The following GRM5 variants were observed in gnomAD, a reference collection of about 807,000 sequenced individuals.
GRM5 encodes the protein metabotropic glutamate receptor 5.
GRM5 carries 19 observed loss-of-function variants against 83.1 expected under a neutral mutation model. The ratio of observed to expected loss-of-function variants is 0.23; its 90% confidence interval spans 0.16 to 0.34. GRM5 has a LOEUF of 0.34. Among genes scored for constraint, GRM5 ranks in the 10% least tolerant of loss-of-function variants. The probability of loss-of-function intolerance (pLI) is 1.00; values close to 1 mark genes in which losing one functional copy is unlikely to be tolerated. For missense variants in GRM5, 1,160 were observed against 1,588.3 expected, an observed-to-expected ratio of 0.73 and a Z score of 4.58; for synonymous variants, 675 against 633.6, an observed-to-expected ratio of 1.07 and a Z score of -0.98.
intron 9 of GRM5, among the ~76,000 whole-genome samples, chr11:88,509,837 G>T (rs1326387008): frequency 6.6e-6 from 1 of 152,212 alleles, no homozygotes; most frequent in Non-Finnish European, 1.5e-5. Flanking sequence ...GCACACAGAT[G>T]CAAGGGCTTG....
chr11:88,526,806 T>A (rs1280515345), intron 8 of GRM5, among the ~76,000 whole-genome samples: 1 of 152,116 alleles, frequency 6.6e-6, no homozygotes, highest in Non-Finnish European at 1.5e-5. Flanking sequence ...AAAATGAATT[T>A]AATGGATTAC....
At chr11:88,802,500 ACT>A (rs1943416911) in intron 3 of GRM5, among the ~76,000 whole-genome samples, 1 of 152,078 alleles carries the variant, frequency 6.6e-6, no homozygotes, top group South Asian at 2.1e-4. Context: ...CATGCTAAAA[ACT>A]CTCAATAAAT....
At chr11:88,804,210 C>T (rs1943456442) in intron 3 of GRM5, among the ~76,000 whole-genome samples, 1 of 149,122 alleles carries the variant, frequency 6.7e-6, no homozygotes, top group African/African-American at 2.5e-5. Flanking sequence ...GACTATAAAT[C>T]ATGCTGCTAT....
intron 2 of GRM5, among the ~76,000 whole-genome samples, chr11:88,907,934 T>G (rs1945432164): frequency 6.6e-6 from 1 of 152,168 alleles, no homozygotes; most frequent in Non-Finnish European, 1.5e-5. Context: ...TGTATGTAAT[T>G]TATATAATTT....
chr11:88,819,694 T>C (rs944751691), intron 3 of GRM5, among the ~76,000 whole-genome samples: 2 of 152,212 alleles, frequency 1.3e-5, no homozygotes, highest in African/African-American at 4.8e-5. Context: ...GACTTCGTCT[T>C]AGTTAATTTT....
chr11:88,787,839 A>T (rs958373085), intron 3 of GRM5, among the ~76,000 whole-genome samples: 1 of 152,072 alleles, frequency 6.6e-6, no homozygotes, highest in African/African-American at 2.4e-5. Flanking sequence ...AAAAAGGGAT[A>T]AAAAAGGGAT....
At chr11:88,670,807 G>C (rs995117614) in intron 3 of GRM5, among the ~76,000 whole-genome samples, 1 of 152,030 alleles carries the variant, frequency 6.6e-6, no homozygotes, top group Non-Finnish European at 1.5e-5. Context: ...ACATAGTTCA[G>C]TATAAAATGG....
intron 2 of GRM5, among the ~76,000 whole-genome samples, chr11:88,871,157 C>A (rs760860927): frequency 6.6e-6 from 1 of 151,600 alleles, no homozygotes; most frequent in Non-Finnish European, 1.5e-5. Flanking sequence ...TGCACATAAT[C>A]TCAATGAATG....
At chr11:88,552,050 T>C (rs1181082853) in intron 8 of GRM5, among the ~76,000 whole-genome samples, 1 of 144,990 alleles carries the variant, frequency 6.9e-6, no homozygotes, top group Non-Finnish European at 1.5e-5. Flanking sequence ...TTTTTTTGAG[T>C]CAGGATCTTT....
In GRM5 at chr11:88,508,418, G is replaced by C. The variant is rs773025683; in HGVS notation, c.*174C>G. The C allele has an allele frequency of 1.0e-5, 5 of 493,282 alleles. No individual in the cohort carries two copies. The Admixed American group carries it at 2.0e-4, about 19-fold the overall frequency. The allele number at this position is 493,282 out of a possible 1,614,324, so 30.6% of individuals were successfully genotyped here. A position where few individuals can be genotyped will look rare whatever the true frequency, so the allele number is the denominator to read the frequency against. On this transcript the variant is annotated 3_prime_UTR_variant, in exon 10 of 10. Transcript: ENST00000305447. The surrounding 1 kb of genome is among the most constrained non-coding windows in gnomAD (Gnocchi z 4.2). ...AAAATCTGCCAAAAGATTTGTCGTC[G>C]GTTTCTTCGTCGGTTGTCATGAGAT...
intron 3 of GRM5, among the ~76,000 whole-genome samples, chr11:88,839,871 A>T (rs1325257332): frequency 6.6e-6 from 1 of 152,106 alleles, no homozygotes; most frequent in African/African-American, 2.4e-5. Context: ...TATATACTGT[A>T]TTCTTATAAT....
chr11:88,807,498 G>A (rs1943517399), intron 3 of GRM5, among the ~76,000 whole-genome samples: 1 of 152,048 alleles, frequency 6.6e-6, no homozygotes, highest in Non-Finnish European at 1.5e-5. Context: ...TGCTCAAATG[G>A]GAAGCAATTA....
intron 3 of GRM5, among the ~76,000 whole-genome samples, chr11:88,830,820 G>T (rs1943976848): frequency 6.6e-6 from 1 of 152,154 alleles, no homozygotes; most frequent in South Asian, 2.1e-4. Context: ...ATTGGATTTT[G>T]CAGTTCCACG....
intron 3 of GRM5, among the ~76,000 whole-genome samples, chr11:88,696,912 A>G (rs1940917890): frequency 6.6e-6 from 1 of 152,216 alleles, no homozygotes; most frequent in South Asian, 2.1e-4. Flanking sequence ...TGAGATTTTA[A>G]AAGAATCTTT....
chr11:88,924,857 G>T (rs1290557915), intron 2 of GRM5, among the ~76,000 whole-genome samples: 2 of 151,418 alleles, frequency 1.3e-5, no homozygotes, highest in Non-Finnish European at 2.9e-5. Context: ...GAAAGTGATG[G>T]GTATACTAAT....
chr11:88,860,584 T>C (rs1366981327), intron 2 of GRM5, among the ~76,000 whole-genome samples: 1 of 152,142 alleles, frequency 6.6e-6, no homozygotes, highest in Non-Finnish European at 1.5e-5. Flanking sequence ...TCTTCATGCT[T>C]GACAGCTTTT....
At chr11:88,565,532 T>G (rs1164952433) in intron 8 of GRM5, among the ~76,000 whole-genome samples, 1 of 152,228 alleles carries the variant, frequency 6.6e-6, no homozygotes, top group Admixed American at 6.5e-5. Flanking sequence ...TGGGAGATTC[T>G]GTTTACAGAT....
intron 3 of GRM5, among the ~76,000 whole-genome samples, chr11:88,742,805 T>C (rs1942055956): frequency 6.6e-6 from 1 of 152,114 alleles, no homozygotes; most frequent in African/African-American, 2.4e-5. Context: ...TTTGGGAATA[T>C]TGATGCCATC....
chr11:89,023,583 C>G (rs896023358), intron 2 of GRM5, among the ~76,000 whole-genome samples: 1 of 152,008 alleles, frequency 6.6e-6, no homozygotes, highest in Non-Finnish European at 1.5e-5. Context: ...CTGTGGCTCA[C>G]GCCTGTAATC....
Sources: allele counts gnomAD v4.1 joint callset (sites outside exome capture counted in the v4.1 genomes callset), GRCh38; gene constraint gnomAD v4.1.1; non-coding constraint Gnocchi (gnomAD v3.1); transcripts MANE v1.5; gene names NCBI Gene and HGNC (gene_info 2026-07-23, HGNC 2026-07-21).